Variants in METTL22 observed in about 807,000 individuals in gnomAD.
METTL22 encodes the protein methyltransferase-like protein 22.
Under a neutral mutation model 48.4 loss-of-function variants are expected in METTL22, and 51 were observed. That is an observed-to-expected ratio of 1.05 (90% CI 0.84 to 1.33). METTL22 has a LOEUF of 1.33. Ranked by LOEUF, METTL22 falls within the 40% of genes most tolerant of loss-of-function variation. METTL22 has a pLI of 0.00. For missense variants in METTL22, 678 were observed against 526.9 expected (o/e 1.29, Z -2.81); for synonymous variants, 255 against 214.1 (o/e 1.19, Z -1.67).
At position 8,625,565 on chromosome 16, in the gene METTL22, C is replaced by G; in HGVS notation, c.-101C>G. On this transcript the variant is annotated 5_prime_UTR_variant, in exon 2 of 11. Coordinates refer to ENST00000381920, the MANE Select transcript of METTL22 (RefSeq NM_024109.4). Reference sequence around the variant, plus strand: ...GCGATGCAAAGCTACTCGCTACCAGCTTGGACCTGTCTGCAGTATCTCCTC... The same window carrying G: ...GCGATGCAAAGCTACTCGCTACCAGGTTGGACCTGTCTGCAGTATCTCCTC... 1 of 1,216,584 alleles carries G rather than the reference C, an allele frequency of 8.2e-7. No homozygotes were observed. Among genetic ancestry groups the G allele is most frequent in the Non-Finnish European group, 1.1e-6 (1 of 870,134 alleles). 75.4% of individuals were successfully genotyped at this position (1,216,584 alleles called of 1,614,324 possible). A position where few individuals can be genotyped will look rare whatever the true frequency, so the allele number is the denominator to read the frequency against.
rs546866695 is a variant in METTL22, at chr16:8,647,466, T to A, written c.*1323T>A. The A allele has an allele frequency of 6.6e-6, 1 of 152,340 alleles. No homozygotes were observed. The highest frequency in any genetic ancestry group is 6.5e-5 in the Admixed American group (1 of 15,310). 9.4% of individuals were successfully genotyped at this position (152,340 alleles called of 1,614,324 possible). Reference sequence around the variant, plus strand: ...TAGGTCATTATTTCCTATTTGTGAGTGATTTTGCCTCCAGGAACATTTGGC... The same window carrying A: ...TAGGTCATTATTTCCTATTTGTGAGAGATTTTGCCTCCAGGAACATTTGGC... On this transcript the variant is annotated 3_prime_UTR_variant, in exon 11 of 11. Transcript: ENST00000381920.
At chr16:8,636,895 A>G (rs978083597) in intron 5 of METTL22, among the ~76,000 whole-genome samples, 5 of 152,242 alleles carry the variant, frequency 3.3e-5, no homozygotes, top group African/African-American at 1.2e-4. Flanking sequence ...TTCAGACTCA[A>G]AAGGAGTTGT....
chr16:8,667,229 T>C, the METTL22 span: 2 of 152,114 alleles, frequency 1.3e-5, no homozygotes, highest in Non-Finnish European at 2.9e-5. Context: ...AACAAAATTT[T>C]TATGTTAATA....
At chr16:8,634,230 G>T (rs1731049) in intron 3 of METTL22, among the ~76,000 whole-genome samples, 2 of 152,216 alleles carry the variant, frequency 1.3e-5, no homozygotes, top group Admixed American at 6.5e-5. Context: ...AGGTGCCCAA[G>T]AGGACCCTAC....
chr16:8,649,824 AAACCAT>A (rs1490464278), downstream of METTL22, among the ~76,000 whole-genome samples: 18 of 258 alleles, frequency 0.07, 1 homozygote, highest in East Asian at 0.5. Flanking sequence ...TAAAAAAAAA[AAACCAT>A]TAGTGAAACT....
chr16:8,629,657 G>A lies in METTL22; in HGVS notation c.514+547G>A, dbSNP rs76978640. Among the ~76,000 whole-genome samples, 37 of 152,230 alleles carry A rather than the reference G, an allele frequency of 2.4e-4. No individual in the cohort carries two copies. The East Asian group carries it at 5.4e-3, about 22-fold the overall frequency. On this transcript the variant is annotated intron_variant, in intron 3 of 10. Coordinates refer to ENST00000381920, the MANE Select transcript of METTL22 (RefSeq NM_024109.4). Reference sequence around the variant, plus strand: ...TAAGAAAGGGGAGTGATGAAGTGGCGGGAAAAGTGGGACAGGAGAGAGGTT... The same window carrying A: ...TAAGAAAGGGGAGTGATGAAGTGGCAGGAAAAGTGGGACAGGAGAGAGGTT...
the METTL22 span, among the ~76,000 whole-genome samples, chr16:8,664,090 A>ATTT: frequency 1.4e-5 from 2 of 142,144 alleles, no homozygotes; most frequent in African/African-American, 2.6e-5. Flanking sequence ...AAGTTTTTTA[A>ATTT]TTTTTTTTTT....
chr16:8,632,602 C>T (rs2056301231), intron 3 of METTL22, among the ~76,000 whole-genome samples: 2 of 152,212 alleles, frequency 1.3e-5, no homozygotes, highest in Non-Finnish European at 2.9e-5. Context: ...TCCACCTGTG[C>T]AAGGGCTGGG....
At chr16:8,631,678 A>G (rs1223391960) in intron 3 of METTL22, 1 of 152,252 alleles carries the variant, frequency 6.6e-6, no homozygotes, top group Non-Finnish European at 1.5e-5. Flanking sequence ...TGCAAATGAG[A>G]TAAGACGTAA....
chr16:8,644,341 C>A (rs928234120), intron 9 of METTL22: 5 of 436,608 alleles, frequency 1.1e-5, no homozygotes, highest in African/African-American at 8.1e-5. Flanking sequence ...GAGCCTGTTT[C>A]CACATCTGTA....
At chr16:8,663,468 T>C in the METTL22 span, among the ~76,000 whole-genome samples, 2 of 152,012 alleles carry the variant, frequency 1.3e-5, no homozygotes, top group African/African-American at 4.8e-5. Flanking sequence ...CCTGAAAGGT[T>C]TCTATGACAA....
At position 8,632,963 on chromosome 16, in the gene METTL22, C is replaced by T. The variant is rs1244262372; in HGVS notation, c.515-2076C>T. On this transcript the variant is annotated intron_variant, in intron 3 of 10. Coordinates refer to ENST00000381920, the MANE Select transcript of METTL22 (RefSeq NM_024109.4). ...CCAAGATCACTATGAGAAGGTTCCCCTGGCAGCAGGAACCCTTAGGACAGC... is the reference window on the plus strand; with the variant it reads ...CCAAGATCACTATGAGAAGGTTCCCTTGGCAGCAGGAACCCTTAGGACAGC... 2.6e-5 allele frequency among the ~76,000 whole-genome samples: 4 copies of T among 152,056 alleles called. No homozygotes were observed. The East Asian group carries it at 5.8e-4, about 22-fold the overall frequency.
chr16:8,651,386 C>CA (rs768911703), downstream of METTL22, among the ~76,000 whole-genome samples: 65 of 49,070 alleles, frequency 1.3e-3, 5 homozygotes, highest in African/African-American at 1.9e-3. Context: ...GACTCTGTCT[C>CA]AAAAAAAAAA....
chr16:8,627,021 T>A (rs2056086259), intron 2 of METTL22, among the ~76,000 whole-genome samples: 1 of 152,084 alleles, frequency 6.6e-6, no homozygotes, highest in South Asian at 2.1e-4. Flanking sequence ...CGCCTCGGCC[T>A]CCCAAAGTGT....
At chr16:8,624,982 C>G (rs1448744040) in intron 1 of METTL22, among the ~76,000 whole-genome samples, 1 of 151,964 alleles carries the variant, frequency 6.6e-6, no homozygotes, top group African/African-American at 2.4e-5. Context: ...GCCATAACAA[C>G]TAAATGCAAA....
rs34557328 is a variant in METTL22 at position 8,635,214 on chromosome 16, A to T, written c.602A>T (p.Gln201Leu). 3.7e-6 allele frequency: 6 copies of T among 1,611,304 alleles called. No individual in the cohort carries two copies. In the Admixed American group the frequency reaches 5.0e-5, roughly 13 times the overall value. ...LLLADYILFR[Q>L]DLFRGCTALE... is the part of the protein sequence containing the mutation. ...CTGGCAGACTACATCCTGTTCCGAC[A>T]GGACCTCTTCCGAGGATGTACAGCG... is the stretch of plus-strand genomic sequence containing the variant. The change falls in exon 5 of 11, where the codon CAG becomes CTG. Residue 201 changes from glutamine to leucine, a missense_variant. Transcript: ENST00000381920.
At chr16:8,651,759 CAGAG>C (rs556512739), downstream of METTL22, among the ~76,000 whole-genome samples, 202 of 152,250 alleles carry the variant, frequency 1.3e-3, no homozygotes, top group South Asian at 0.011. Context: ...GGGCAACCCT[CAGAG>C]AGAGAGAAAA....
Position 8,629,030 on chromosome 16 carries a change from A to G in METTL22, c.434A>G (p.His145Arg). 3 of 1,614,096 alleles carry G rather than the reference A, an allele frequency of 1.9e-6. No homozygotes were observed. The highest frequency in any genetic ancestry group is 2.5e-6 in the Non-Finnish European group (3 of 1,180,032). Residue 145 changes from histidine to arginine, a missense_variant, in exon 3 of 11, where the codon CAT (histidine) becomes CGT (arginine). Transcript: ENST00000381920. ...GCAGGGCCTCTGAGAGACAAGGTAC[A>G]TCCCATGATTCTAGCACAGGAAGAA... ...NPAGPLRDKV[H>R]PMILAQEEDD...
chr16:8,637,762 C>T lies in METTL22; in HGVS notation c.701-1329C>T, dbSNP rs1596352973. The stretch of plus-strand genomic sequence containing the variant: ...CGCACTCAGGGCACCAGGGCTCCTA[C>T]CCCACTCAGCCAGAGCTGCTCCTCT... On this transcript the variant is annotated intron_variant, in intron 5 of 10. Coordinates refer to ENST00000381920, the MANE Select transcript of METTL22 (RefSeq NM_024109.4). Among the ~76,000 whole-genome samples, 3 of 152,276 alleles carry T rather than the reference C, an allele frequency of 2.0e-5. No homozygotes were observed. In the South Asian group the frequency reaches 6.2e-4, roughly 32 times the overall value.
Sources: gnomAD v4.1 joint callset for allele counts (sites outside exome capture counted in the v4.1 genomes callset) on GRCh38, gnomAD v4.1.1 for gene constraint, MANE v1.5 for transcripts, NCBI Gene and HGNC (gene_info 2026-07-23, HGNC 2026-07-21) for gene names.